Variants in GABRG3 observed in about 807,000 individuals in gnomAD.
GABRG3 encodes gamma-aminobutyric acid type A receptor subunit gamma3, also known as gamma-aminobutyric acid receptor subunit gamma-3.
GABRG3 carries 25 observed loss-of-function variants against 48.8 expected under a neutral mutation model. That is an observed-to-expected ratio of 0.51 (90% confidence interval 0.37 to 0.72). The LOEUF is 0.72. Ranked by LOEUF, GABRG3 falls within the 30% of genes least tolerant of loss-of-function variation. The probability of loss-of-function intolerance (pLI) is 0.00; values close to 1 mark genes in which losing one functional copy is unlikely to be tolerated. For missense variants in GABRG3, 394 were observed against 577.9 expected (o/e 0.68, Z 3.26); for synonymous variants, 227 against 217.6 (o/e 1.04, Z -0.38).
chr15:27,370,739 G>C (rs1406944878), intron 5 of GABRG3, among the ~76,000 whole-genome samples: 2 of 152,202 alleles, frequency 1.3e-5, no homozygotes, highest in Admixed American at 6.5e-5. Context: ...AAAATAATTA[G>C]GAATGACACA....
At chr15:27,146,798 T>C (rs1200328794) in intron 3 of GABRG3, among the ~76,000 whole-genome samples, 1 of 151,968 alleles carries the variant, frequency 6.6e-6, no homozygotes, top group Non-Finnish European at 1.5e-5. Context: ...AATAATGTAG[T>C]AAAAGAAAGG....
intron 3 of GABRG3, among the ~76,000 whole-genome samples, chr15:27,202,175 A>G (rs984738281): frequency 1.3e-5 from 2 of 152,026 alleles, no homozygotes; most frequent in African/African-American, 2.4e-5. Flanking sequence ...CTCTATAATC[A>G]TATAATCCTA....
chr15:27,278,984 G>A (rs1442687075), intron 3 of GABRG3, among the ~76,000 whole-genome samples: 1 of 152,200 alleles, frequency 6.6e-6, no homozygotes, highest in African/African-American at 2.4e-5. Context: ...AGCCTGTGCT[G>A]TTACGTTCTG....
At chr15:27,271,756 A>G (rs1414202341) in intron 3 of GABRG3, 3 of 396,982 alleles carry the variant, frequency 7.6e-6, no homozygotes, top group Non-Finnish European at 1.5e-5. Context: ...ATCAGGAGAG[A>G]GGAGAGCGGT....
chr15:27,014,290 T>C (rs1369965600), intron 2 of GABRG3, among the ~76,000 whole-genome samples: 1 of 151,972 alleles, frequency 6.6e-6, no homozygotes, highest in African/African-American at 2.4e-5. Flanking sequence ...CTATTTCCTA[T>C]TTCATTTATC....
intron 5 of GABRG3, among the ~76,000 whole-genome samples, chr15:27,414,444 C>T (rs532270156): frequency 9.3e-4 from 141 of 152,260 alleles, no homozygotes; most frequent in Non-Finnish European, 1.7e-3. Flanking sequence ...GAGGCCCAGA[C>T]TCTACCTATT....
At chr15:27,055,204 AT>A (rs1165850908) in intron 3 of GABRG3, among the ~76,000 whole-genome samples, 2 of 152,224 alleles carry the variant, frequency 1.3e-5, no homozygotes, top group Admixed American at 1.3e-4. Flanking sequence ...GCAGCCTGTG[AT>A]AGAGACTCTG....
At chr15:27,289,727 C>A (rs531553765) in intron 3 of GABRG3, among the ~76,000 whole-genome samples, 7 of 152,236 alleles carry the variant, frequency 4.6e-5, no homozygotes, top group African/African-American at 1.4e-4. Flanking sequence ...TGAGAGTTTA[C>A]AGATAAACAA....
At chr15:27,213,121 C>A (rs1009231751) in intron 3 of GABRG3, among the ~76,000 whole-genome samples, 1 of 152,096 alleles carries the variant, frequency 6.6e-6, no homozygotes, top group Non-Finnish European at 1.5e-5. Context: ...ACATGTTTAG[C>A]TTAGAGATGT....
chr15:27,351,553 TTGTG>T lies in GABRG3; in HGVS notation c.574+22671_574+22674del, dbSNP rs528735761. On this transcript the variant is annotated intron_variant, in intron 5 of 9. Coordinates refer to ENST00000615808, the MANE Select transcript of GABRG3 (RefSeq NM_033223.5). ...GTGTGTGTTGGTGTGTGTATGGTGT[TTGTG>T]TGTGTATGGTGTATGTGTGTATGGT... Among the ~76,000 whole-genome samples the T allele has an allele frequency of 3.9e-3, 544 of 139,996 alleles. 2 individuals are homozygous for T. Among genetic ancestry groups the T allele is most frequent in the Non-Finnish European group, 5.4e-3 (347 of 63,686 alleles). The allele number at this position is 139,996 out of a possible 152,430, so 91.8% of individuals were successfully genotyped here.
At chr15:26,979,166 G>T (rs1256200909) in intron 2 of GABRG3, among the ~76,000 whole-genome samples, 1 of 152,058 alleles carries the variant, frequency 6.6e-6, no homozygotes, top group African/African-American at 2.4e-5. Context: ...ATTGATTTTG[G>T]TATGTTGATG....
At chr15:27,382,762 A>G (rs1895813913) in intron 5 of GABRG3, among the ~76,000 whole-genome samples, 1 of 152,126 alleles carries the variant, frequency 6.6e-6, no homozygotes, top group South Asian at 2.1e-4. Context: ...GGGACTGAGT[A>G]TGTGGTATGA....
At chr15:27,001,880 A>G (rs1595464584) in intron 2 of GABRG3, among the ~76,000 whole-genome samples, 1 of 63,738 alleles carries the variant, frequency 1.6e-5, no homozygotes, top group East Asian at 3.1e-4. Context: ...AGAGGTTCCC[A>G]TAACTCAGTT....
intron 3 of GABRG3, among the ~76,000 whole-genome samples, chr15:27,134,202 A>G (rs190998549): frequency 1.3e-5 from 2 of 152,186 alleles, no homozygotes; most frequent in East Asian, 1.9e-4. Context: ...TGTGAACATG[A>G]TTGGCCTGAG....
At position 27,319,568 on chromosome 15, in the gene GABRG3, G is replaced by A. The variant is rs1404199045; in HGVS notation, c.271-7241G>A. ...GTAATACCATGAGGAGGGGCAGGCT[G>A]TTGGCAAATATGCCAATGCCACGGG... On this transcript the variant is annotated intron_variant, in intron 3 of 9. Coordinates refer to ENST00000615808, the MANE Select transcript of GABRG3 (RefSeq NM_033223.5). This position sits in a 1 kb window ranked among gnomAD's most constrained non-coding sequence, Gnocchi z 4.4. Among the ~76,000 whole-genome samples the A allele has an allele frequency of 6.6e-6, 1 of 152,166 alleles. No individual in the cohort carries two copies. The highest frequency in any genetic ancestry group is 1.5e-5 in the Non-Finnish European group (1 of 68,030).
intron 3 of GABRG3, among the ~76,000 whole-genome samples, chr15:27,118,906 G>A (rs181288866): frequency 1.3e-5 from 2 of 152,280 alleles, no homozygotes; most frequent in East Asian, 3.9e-4. Flanking sequence ...CTAGTTGACT[G>A]AGGGGATCAG....
chr15:27,049,754 A>G (rs1896424650), intron 3 of GABRG3, among the ~76,000 whole-genome samples: 1 of 152,270 alleles, frequency 6.6e-6, no homozygotes, highest in African/African-American at 2.4e-5. Context: ...AAAGAAGAGT[A>G]AGAAAGGATG....
At chr15:27,138,109 A>G (rs956160744) in intron 3 of GABRG3, among the ~76,000 whole-genome samples, 8 of 152,124 alleles carry the variant, frequency 5.3e-5, no homozygotes, top group African/African-American at 1.4e-4. Context: ...TCTTAATCCT[A>G]TTTCCCAGTG....
rs556865213 is a variant in GABRG3 at position 27,457,580 on chromosome 15, C to G, written c.575-23070C>G. Among the ~76,000 whole-genome samples the G allele has an allele frequency of 2.6e-5, 4 of 152,256 alleles. No homozygotes were observed. The highest frequency in any genetic ancestry group is 7.2e-5 in the African/African-American group (3 of 41,548). ...TTAGATACGGACACGTTCCCTGCCC[C>G]GTATCTAAAGTGGCTTGGCCAGGAT... On this transcript the variant is annotated intron_variant, in intron 5 of 9. Coordinates refer to ENST00000615808, the MANE Select transcript of GABRG3 (RefSeq NM_033223.5). The surrounding 1 kb of genome is among the most constrained non-coding windows in gnomAD (Gnocchi z 4.4).
Sources: allele counts gnomAD v4.1 joint callset (sites outside exome capture counted in the v4.1 genomes callset), GRCh38; gene constraint gnomAD v4.1.1; non-coding constraint Gnocchi (gnomAD v3.1); transcripts MANE v1.5; gene names NCBI Gene and HGNC (gene_info 2026-07-23, HGNC 2026-07-21).